Variants in REDIC1 observed in about 807,000 individuals in gnomAD.
The protein encoded by REDIC1 is HEI10 Interacting Protein 1.
At chr12:39,734,133 C>G in the REDIC1 span, among the ~76,000 whole-genome samples, 1 of 152,188 alleles carries the variant, frequency 6.6e-6, no homozygotes, top group African/African-American at 2.4e-5. Context: ...ACTGCACAGT[C>G]CCTCACAGCT....
chr12:39,839,086 C>T, the REDIC1 span, among the ~76,000 whole-genome samples: 6 of 152,192 alleles, frequency 3.9e-5, no homozygotes, highest in Non-Finnish European at 8.8e-5. Flanking sequence ...CACTCTCTTT[C>T]CCCTAACAGC....
the REDIC1 span, among the ~76,000 whole-genome samples, chr12:39,697,444 TAAG>T: frequency 2.6e-5 from 4 of 152,102 alleles, no homozygotes; most frequent in African/African-American, 7.2e-5. Context: ...CTGATAATAA[TAAG>T]TACACAGAAA....
At chr12:39,701,819 C>A in the REDIC1 span, among the ~76,000 whole-genome samples, 1 of 151,532 alleles carries the variant, frequency 6.6e-6, no homozygotes, top group Non-Finnish European at 1.5e-5. Flanking sequence ...GGAAACTGAA[C>A]AACCTGCTCC....
the REDIC1 span, among the ~76,000 whole-genome samples, chr12:39,818,607 C>T: frequency 0.014 from 2,131 of 152,188 alleles, 38 homozygotes; most frequent in African/African-American, 0.047. Flanking sequence ...GCTTTGTAAT[C>T]ACCTTTGAAA....
At chr12:39,759,945 G>A in the REDIC1 span, 1 of 1,009,942 alleles carries the variant, frequency 9.9e-7, no homozygotes, top group East Asian at 2.5e-5. Flanking sequence ...AACCAGATTA[G>A]AAGCAGGGCA....
the REDIC1 span, among the ~76,000 whole-genome samples, chr12:39,641,258 A>G: frequency 1.3e-5 from 2 of 151,962 alleles, no homozygotes; most frequent in Non-Finnish European, 2.9e-5. Flanking sequence ...ATTCTAATTT[A>G]AATAATCATT....
At chr12:39,906,639 G>A in the REDIC1 span, among the ~76,000 whole-genome samples, 1 of 152,058 alleles carries the variant, frequency 6.6e-6, no homozygotes, top group Non-Finnish European at 1.5e-5. Flanking sequence ...ATGTTTCCAG[G>A]CAACCAAAAG....
At chr12:39,655,767 G>A in the REDIC1 span, among the ~76,000 whole-genome samples, 2 of 152,134 alleles carry the variant, frequency 1.3e-5, no homozygotes, top group African/African-American at 2.4e-5. Context: ...GATAGCTCCA[G>A]GCTATAACTG....
the REDIC1 span, among the ~76,000 whole-genome samples, chr12:39,715,865 T>C: frequency 2.6e-3 from 396 of 152,058 alleles, 2 homozygotes; most frequent in Non-Finnish European, 4.2e-3. Context: ...TTAAATTATG[T>C]TGTTAGTAGT....
the REDIC1 span, among the ~76,000 whole-genome samples, chr12:39,752,432 T>C: frequency 6.6e-6 from 1 of 152,240 alleles, no homozygotes; most frequent in African/African-American, 2.4e-5. Flanking sequence ...CCCAACCTCC[T>C]AGGTCTATGG....
At chr12:39,675,888 A>G in the REDIC1 span, among the ~76,000 whole-genome samples, 2 of 152,186 alleles carry the variant, frequency 1.3e-5, no homozygotes, top group Non-Finnish European at 2.9e-5. Flanking sequence ...CCCCACCCAT[A>G]GGGGAACAGG....
chr12:39,684,064 C>A, the REDIC1 span: 2 of 805,162 alleles, frequency 2.5e-6, no homozygotes, highest in Non-Finnish European at 3.0e-6. Context: ...ACAATCTCCT[C>A]TACCCATACA....
At chr12:39,808,238 A>G in the REDIC1 span, among the ~76,000 whole-genome samples, 1 of 152,122 alleles carries the variant, frequency 6.6e-6, no homozygotes, top group African/African-American at 2.4e-5. Context: ...TTTGCCCAAC[A>G]CAATGTTTCT....
the REDIC1 span, among the ~76,000 whole-genome samples, chr12:39,663,881 C>G: frequency 6.6e-6 from 1 of 151,686 alleles, no homozygotes; most frequent in African/African-American, 2.4e-5. Flanking sequence ...CTTTTCTTTT[C>G]TTTTTTGGCT....
chr12:39,715,044 G>A, the REDIC1 span, among the ~76,000 whole-genome samples: 1 of 151,774 alleles, frequency 6.6e-6, no homozygotes, highest in African/African-American at 2.4e-5. Flanking sequence ...TGTTCCTTTT[G>A]CCGTGCAAAA....
At chr12:39,658,340 C>G in the REDIC1 span, among the ~76,000 whole-genome samples, 1 of 152,184 alleles carries the variant, frequency 6.6e-6, no homozygotes, top group Non-Finnish European at 1.5e-5. Flanking sequence ...CTGCCTCAGC[C>G]TCCCAAAGTG....
chr12:39,691,950 A>T, the REDIC1 span: 1 of 1,111,106 alleles, frequency 9.0e-7, no homozygotes, highest in Non-Finnish European at 1.2e-6. Flanking sequence ...AATGTAAAAG[A>T]AAAGTACTAT....
chr12:39,715,391 G>A, the REDIC1 span, among the ~76,000 whole-genome samples: 1 of 151,744 alleles, frequency 6.6e-6, no homozygotes, highest in East Asian at 1.9e-4. Flanking sequence ...GTTTATTTCC[G>A]GGTTCTCTAT....
At chr12:39,654,461 G>A in the REDIC1 span, among the ~76,000 whole-genome samples, 16 of 151,992 alleles carry the variant, frequency 1.1e-4, no homozygotes, top group African/African-American at 3.1e-4. Context: ...GGTGGCGGGC[G>A]CCTGTAGTCC....
Sources: gnomAD v4.1 joint callset for allele counts (sites outside exome capture counted in the v4.1 genomes callset) on GRCh38, gnomAD v4.1.1 for gene constraint, MANE v1.5 for transcripts, NCBI Gene and HGNC (gene_info 2026-07-23, HGNC 2026-07-21) for gene names.